ANKS1B: variants seen among roughly 807,000 people sequenced by gnomAD.
The protein encoded by ANKS1B is ankyrin repeat and sterile alpha motif domain-containing protein 1B.
A neutral mutation model predicts 148.3 loss-of-function variants in ANKS1B; 36 were observed. The ratio of observed to expected loss-of-function variants is 0.24; its 90% confidence interval spans 0.19 to 0.32. ANKS1B has a LOEUF of 0.32. Ranked by LOEUF, ANKS1B falls within the 10% of genes least tolerant of loss-of-function variation. The pLI, the probability that ANKS1B is intolerant of heterozygous loss-of-function variation, is 1.00. For missense variants in ANKS1B, 1,157 were observed against 1,542.6 expected (o/e 0.75, Z 4.19); for synonymous variants, 542 against 560.8 (o/e 0.97, Z 0.47).
chr12:98,946,260 C>G (rs2099845346), intron 17 of ANKS1B, among the ~76,000 whole-genome samples: 1 of 152,192 alleles, frequency 6.6e-6, no homozygotes, highest in South Asian at 2.1e-4. Context: ...TATTATAGAT[C>G]TGATGAAGTA....
At chr12:98,745,890 C>G (rs1367058811) in intron 26 of ANKS1B, 41 bp from the exon 27 acceptor site, 2 of 1,580,696 alleles carry the variant, frequency 1.3e-6, no homozygotes, top group Non-Finnish European at 1.7e-6. Flanking sequence ...ACGGTCGCCG[C>G]GCGGGTGCGC....
intron 10 of ANKS1B, 92 bp from the exon 11 acceptor site, chr12:99,443,901 A>G: frequency 7.3e-7 from 1 of 1,378,564 alleles, no homozygotes; most frequent in East Asian, 2.3e-5. Context: ...TTGAGATTTC[A>G]ACTTTTAAAA....
At chr12:99,114,841 A>T (rs911431727) in intron 15 of ANKS1B, among the ~76,000 whole-genome samples, 7 of 152,230 alleles carry the variant, frequency 4.6e-5, no homozygotes, top group African/African-American at 7.2e-5. Context: ...TTTCTAAAGA[A>T]GACATACATG....
intron 1 of ANKS1B, among the ~76,000 whole-genome samples, chr12:99,897,113 A>G (rs907214101): frequency 6.6e-6 from 1 of 151,348 alleles, no homozygotes; most frequent in African/African-American, 2.4e-5. Flanking sequence ...AGATGAAAGA[A>G]CACTGAAGAT....
chr12:99,456,040 C>G (rs2095842990), intron 10 of ANKS1B, among the ~76,000 whole-genome samples: 1 of 152,136 alleles, frequency 6.6e-6, no homozygotes. Context: ...ATACCTCCAC[C>G]AGAGCAGGTG....
intron 24 of ANKS1B, among the ~76,000 whole-genome samples, chr12:98,777,333 AC>A (rs1268472825): frequency 1.3e-5 from 2 of 152,220 alleles, no homozygotes; most frequent in Non-Finnish European, 2.9e-5. Flanking sequence ...AACTCAAAAA[AC>A]AAAACAACAA....
intron 12 of ANKS1B, among the ~76,000 whole-genome samples, chr12:99,381,790 C>T (rs1027691758): frequency 6.6e-6 from 1 of 152,150 alleles, no homozygotes; most frequent in Non-Finnish European, 1.5e-5. Context: ...TGAAGAAGAC[C>T]TTTCACATTG....
chr12:99,856,524 A>G (rs2089119230), intron 1 of ANKS1B, among the ~76,000 whole-genome samples: 1 of 152,088 alleles, frequency 6.6e-6, no homozygotes, highest in African/African-American at 2.4e-5. Flanking sequence ...TCCTCCATAA[A>G]TCATTCTATG....
At chr12:98,792,602 C>A (rs753947018) in intron 22 of ANKS1B, among the ~76,000 whole-genome samples, 1 of 152,200 alleles carries the variant, frequency 6.6e-6, no homozygotes, top group Non-Finnish European at 1.5e-5. Context: ...CTATTCCCCT[C>A]CTCCTCATCT....
At chr12:99,767,350 C>G (rs1401379548) in intron 8 of ANKS1B, among the ~76,000 whole-genome samples, 3 of 151,872 alleles carry the variant, frequency 2.0e-5, no homozygotes, top group Non-Finnish European at 4.4e-5. Context: ...CCTTAAGCTT[C>G]TTATTTACTT....
chr12:99,713,408 TTGTTTAACA>T (rs746697106), intron 8 of ANKS1B, among the ~76,000 whole-genome samples: 173 of 152,286 alleles, frequency 1.1e-3, no homozygotes, highest in Non-Finnish European at 1.9e-3. Flanking sequence ...TAGTTCCTTT[TTGTTTAACA>T]GTTCTTCCCT....
chr12:99,294,889 G>A (rs1191392287), intron 12 of ANKS1B, among the ~76,000 whole-genome samples: 2 of 152,140 alleles, frequency 1.3e-5, no homozygotes, highest in Non-Finnish European at 2.9e-5. Context: ...CTGATTTCAG[G>A]TGATCTGCCC....
chr12:98,982,472 C>A (rs1337368052), intron 17 of ANKS1B, among the ~76,000 whole-genome samples: 1 of 152,018 alleles, frequency 6.6e-6, no homozygotes, highest in African/African-American at 2.4e-5. Flanking sequence ...CCTCCTGATC[C>A]CTTCCCTCCC....
At chr12:99,483,764 T>C (rs529233644) in intron 10 of ANKS1B, among the ~76,000 whole-genome samples, 1 of 152,146 alleles carries the variant, frequency 6.6e-6, no homozygotes, top group South Asian at 2.1e-4. Flanking sequence ...CCATTTCCTC[T>C]AGGTTTTCTA....
chr12:98,894,549 C>T, intron 17 of ANKS1B: 3 of 982,972 alleles, frequency 3.1e-6, no homozygotes, highest in Non-Finnish European at 3.6e-6. Context: ...CGCCTCTGCC[C>T]CGGCTGCGGC....
intron 25 of ANKS1B, among the ~76,000 whole-genome samples, chr12:98,768,825 G>C (rs761258101): frequency 4.6e-5 from 7 of 151,922 alleles, no homozygotes; most frequent in Non-Finnish European, 8.8e-5. Flanking sequence ...GCACATTCAG[G>C]GCCCTGCAGA....
intron 9 of ANKS1B, among the ~76,000 whole-genome samples, chr12:99,652,812 G>A (rs953640690): frequency 6.6e-6 from 1 of 151,856 alleles, no homozygotes; most frequent in Non-Finnish European, 1.5e-5. Flanking sequence ...AAAAACGAGA[G>A]GAATATGAGT....
At chr12:99,545,565 A>G (rs549234008) in intron 9 of ANKS1B, among the ~76,000 whole-genome samples, 85 of 152,012 alleles carry the variant, frequency 5.6e-4, no homozygotes, top group Non-Finnish European at 1.1e-3. Context: ...AATTTAAGGC[A>G]TGTATTCTTT....
intron 14 of ANKS1B, among the ~76,000 whole-genome samples, chr12:99,212,755 G>A (rs576348266): frequency 5.2e-4 from 79 of 152,266 alleles, no homozygotes; most frequent in Admixed American, 2.2e-3. Context: ...AACACTTGCA[G>A]GCCTAGAGCT....
Sources: gnomAD v4.1 joint callset for allele counts (sites outside exome capture counted in the v4.1 genomes callset) on GRCh38, gnomAD v4.1.1 for gene constraint, MANE v1.5 for transcripts, NCBI Gene and HGNC (gene_info 2026-07-23, HGNC 2026-07-21) for gene names.